The following PEX5L variants were observed in gnomAD, a reference collection of about 807,000 sequenced individuals.
PEX5L encodes the protein PEX5-related protein.
A neutral mutation model predicts 84.0 loss-of-function variants in PEX5L; 30 were observed. The observed-to-expected ratio is 0.36, with a 90% CI of 0.27 to 0.48. The LOEUF (loss-of-function observed/expected upper bound fraction) is 0.48. PEX5L is among the 20% of genes least tolerant of loss of function. The pLI is 0.99. For missense variants in PEX5L, 533 were observed against 754.6 expected, an observed-to-expected ratio of 0.71 and a Z score of 3.44; for synonymous variants, 270 against 283.1, an observed-to-expected ratio of 0.95 and a Z score of 0.46.
At chr3:179,868,042 C>CTTTTT (rs71628101) in intron 7 of PEX5L, among the ~76,000 whole-genome samples, 3 of 116,360 alleles carry the variant, frequency 2.6e-5, no homozygotes, top group Admixed American at 8.8e-5. Context: ...TCTTCTTCTT[C>CTTTTT]TTTTTTTTTT....
intron 3 of PEX5L, among the ~76,000 whole-genome samples, chr3:179,889,559 AG>A (rs1469690719): frequency 6.6e-6 from 1 of 152,194 alleles, no homozygotes; most frequent in Non-Finnish European, 1.5e-5. Context: ...TTACAGGGAT[AG>A]ATCTTTCTTC....
intron 1 of PEX5L, among the ~76,000 whole-genome samples, chr3:179,981,619 C>G (rs1188691500): frequency 6.6e-6 from 1 of 152,060 alleles, no homozygotes; most frequent in Non-Finnish European, 1.5e-5. Context: ...CTACAACAGA[C>G]ACATCCTAGG....
chr3:179,815,233 C>T (rs894474219), intron 10 of PEX5L, among the ~76,000 whole-genome samples: 1 of 152,208 alleles, frequency 6.6e-6, no homozygotes, highest in Non-Finnish European at 1.5e-5. Context: ...TACAGTGTGA[C>T]ACAAGAGCCA....
intron 1 of PEX5L, among the ~76,000 whole-genome samples, chr3:180,024,687 T>A (rs1790780952): frequency 6.6e-6 from 1 of 151,710 alleles, no homozygotes; most frequent in African/African-American, 2.4e-5. Flanking sequence ...CATGTGTGTG[T>A]GTGAGAGAGA....
intron 1 of PEX5L, chr3:179,973,054 C>T: frequency 1.8e-6 from 1 of 556,808 alleles, no homozygotes; most frequent in Non-Finnish European, 2.5e-6. Context: ...TATCATTTTG[C>T]TTTTGTATTC....
At chr3:179,979,610 C>T (rs961693877) in intron 1 of PEX5L, among the ~76,000 whole-genome samples, 9 of 152,082 alleles carry the variant, frequency 5.9e-5, no homozygotes, top group Non-Finnish European at 1.0e-4. Flanking sequence ...AGAGAATTGA[C>T]GTATTATCTT....
At chr3:180,007,800 C>T (rs189538984) in intron 1 of PEX5L, among the ~76,000 whole-genome samples, 4 of 152,324 alleles carry the variant, frequency 2.6e-5, no homozygotes, top group Admixed American at 6.5e-5. Context: ...CAGCCGTGGC[C>T]GGAGTGGTTG....
chr3:179,856,872 T>G (rs1291737050), intron 8 of PEX5L, among the ~76,000 whole-genome samples: 1 of 152,204 alleles, frequency 6.6e-6, no homozygotes, highest in Non-Finnish European at 1.5e-5. Context: ...TTACAGGGTT[T>G]TAGTATATTG....
intron 1 of PEX5L, among the ~76,000 whole-genome samples, chr3:180,021,743 C>G (rs1020267421): frequency 7.9e-5 from 12 of 152,252 alleles, no homozygotes; most frequent in Admixed American, 7.2e-4. Context: ...TGAGTTGGAA[C>G]AGGTACAGGT....
chr3:179,815,873 A>G lies in PEX5L; in HGVS notation c.1071T>C (p.Pro357=). 6.2e-7 allele frequency: 1 copy of G among 1,614,156 alleles called. No homozygotes were observed. Among genetic ancestry groups the G allele is most frequent in the Non-Finnish European group, 8.5e-7 (1 of 1,180,010 alleles). Residue 357 remains proline (P), a synonymous_variant, in exon 10 of 15, where the codon CCT becomes CCC. Transcript: ENST00000467460. The part of the protein sequence containing the change: ...LFMEAAILQD[P]GDAEAWQFLG... ...GGGAGAATGACACCTCTGCATCTCC[A>G]GGGTCCTGAAGAATTGCTGCTTCCA...
In PEX5L at chr3:179,810,002, C is replaced by CTTTTTTTTT. The variant is rs35662193; in HGVS notation, c.1155-343_1155-335dup. Among the ~76,000 whole-genome samples the CTTTTTTTTT allele has an allele frequency of 1.3e-4, 6 of 45,306 alleles. 1 individual carries two copies. The highest frequency in any genetic ancestry group is 1.1e-3 in the Admixed American group (3 of 2,620). 29.7% of individuals were successfully genotyped at this position (45,306 alleles called of 152,430 possible). ...AGGGGATATCATTATTTTAATGCTG[C>CTTTTTTTTT]TTTTTTTTTTTTTTTTTTTTTTTTT... On this transcript the variant is annotated intron_variant, in intron 11 of 14. Transcript: ENST00000467460.
At position 179,904,687 on chromosome 3, in the gene PEX5L, T is replaced by C. The variant is rs1327251174; in HGVS notation, c.94-6441A>G. ...ATATTAATTGTTACAAAATAGTCCA[T>C]TTTGGGGGGTTCTGATTTTAAGGGA... On this transcript the variant is annotated intron_variant, in intron 2 of 14. Transcript: ENST00000467460. Among the ~76,000 whole-genome samples the C allele has an allele frequency of 2.0e-5, 3 of 152,164 alleles. No individual in the cohort carries two copies. The East Asian group carries it at 5.8e-4, about 29-fold the overall frequency.
chr3:179,819,277 T>C (rs1727534689), intron 9 of PEX5L, among the ~76,000 whole-genome samples: 2 of 152,268 alleles, frequency 1.3e-5, no homozygotes, highest in South Asian at 2.1e-4. Flanking sequence ...TGGGACTTCA[T>C]GAGTGATTTG....
At chr3:179,986,327 A>C (rs1786812957) in intron 1 of PEX5L, among the ~76,000 whole-genome samples, 1 of 151,802 alleles carries the variant, frequency 6.6e-6, no homozygotes, top group South Asian at 2.1e-4. Context: ...TTCTTAGAAT[A>C]ATTCCTTGAG....
chr3:179,807,978 A>G, intron 13 of PEX5L, 147 bp from the exon 14 acceptor site: 2 of 712,782 alleles, frequency 2.8e-6, no homozygotes, highest in Non-Finnish European at 2.2e-6. Flanking sequence ...TTACTAAAAA[A>G]TCTTCACGGA....
chr3:179,833,764 A>G (rs902662471), intron 8 of PEX5L, among the ~76,000 whole-genome samples: 1 of 152,166 alleles, frequency 6.6e-6, no homozygotes, highest in Non-Finnish European at 1.5e-5. Context: ...TACCTAGTCT[A>G]CCTATGCTGG....
Position 179,870,020 on chromosome 3 carries a change from C to T in PEX5L, c.726+4307G>A, listed in dbSNP as rs1749737409. On this transcript the variant is annotated intron_variant, in intron 7 of 14. Coordinates refer to ENST00000467460, the MANE Select transcript of PEX5L (RefSeq NM_016559.3). ...TGCCAATCATGGAGTTTTGGCTGAT[C>T]GAAGGGGACTCAGATGAACTTTACC... 2.6e-5 allele frequency among the ~76,000 whole-genome samples: 4 copies of T among 152,234 alleles called. No homozygotes were observed. The South Asian group carries it at 6.2e-4, about 24-fold the overall frequency.
intron 2 of PEX5L, among the ~76,000 whole-genome samples, chr3:179,910,300 A>G (rs1764718041): frequency 6.6e-6 from 1 of 152,170 alleles, no homozygotes; most frequent in African/African-American, 2.4e-5. Flanking sequence ...TCTCTCACCA[A>G]ATGGAGGCTT....
intron 3 of PEX5L, chr3:179,888,008 A>T: frequency 1.3e-6 from 1 of 775,566 alleles, no homozygotes; most frequent in Non-Finnish European, 2.1e-6. Context: ...TTCAATGTTT[A>T]AAGCTCAAGC....
Sources: gnomAD v4.1 joint callset for allele counts (sites outside exome capture counted in the v4.1 genomes callset) on GRCh38, gnomAD v4.1.1 for gene constraint, MANE v1.5 for transcripts, NCBI Gene and HGNC (gene_info 2026-07-23, HGNC 2026-07-21) for gene names.